SEC63: variants seen among roughly 807,000 people sequenced by gnomAD.
The protein encoded by SEC63 is SEC63 protein translocation regulator.
In SEC63, 56 loss-of-function variants were observed where a neutral mutation model predicts 116.2. The ratio of observed to expected loss-of-function variants is 0.48; its 90% confidence interval spans 0.39 to 0.60. SEC63 has a LOEUF of 0.60. Among genes scored for constraint, SEC63 ranks in the 20% least tolerant of loss-of-function variants. The probability of loss-of-function intolerance (pLI) is 0.00; values close to 1 mark genes in which losing one functional copy is unlikely to be tolerated. For synonymous variants in SEC63, 273 were observed against 294.6 expected, an observed-to-expected ratio of 0.93 and a Z score of 0.75; for missense variants, 668 against 900.0, an observed-to-expected ratio of 0.74 and a Z score of 3.30.
chr6:107,893,530 T>TGTA lies in SEC63; in HGVS notation c.1625_1626insTAC (p.Pro542_Gln543insThr), dbSNP rs779139584. On this transcript the variant is annotated inframe_insertion, in exon 16 of 21. Coordinates refer to ENST00000369002, the MANE Select transcript of SEC63 (RefSeq NM_007214.5). ...GCTTTTGTTTCTGTTGCTTTGACTG[T>TGTA]GGTAATAGCACAGGTGTAGGTTTTT... 201 of 1,613,420 alleles carry TGTA rather than the reference T, an allele frequency of 1.2e-4. 1 individual carries two copies. The African/African-American group carries it at 2.5e-3, about 20-fold the overall frequency.
At chr6:107,955,548 TACC>T (rs1770694258) in intron 1 of SEC63, among the ~76,000 whole-genome samples, 2 of 152,190 alleles carry the variant, frequency 1.3e-5, no homozygotes, top group South Asian at 4.1e-4. Context: ...CCACCTAAAC[TACC>T]ACCACTTTTT....
intron 19 of SEC63, among the ~76,000 whole-genome samples, chr6:107,873,728 T>C (rs1786188281): frequency 6.6e-6 from 1 of 152,058 alleles, no homozygotes; most frequent in African/African-American, 2.4e-5. Context: ...ACAACCAGAA[T>C]AGTACAACAA....
chr6:107,901,251 G>T, intron 13 of SEC63, 119 bp downstream of exon 13: 1 of 1,024,642 alleles, frequency 9.8e-7, no homozygotes, highest in Non-Finnish European at 1.5e-6. Context: ...CTACAGTTCT[G>T]CAAAGTCTAA....
chr6:107,924,345 G>A (rs931785933), intron 3 of SEC63, among the ~76,000 whole-genome samples: 10 of 149,342 alleles, frequency 6.7e-5, no homozygotes, highest in African/African-American at 4.9e-5. Flanking sequence ...TTGGGAGGCC[G>A]AGGTGGGCAG....
intron 2 of SEC63, among the ~76,000 whole-genome samples, chr6:107,926,494 C>A (rs1189564564): frequency 6.6e-6 from 1 of 152,188 alleles, no homozygotes; most frequent in Non-Finnish European, 1.5e-5. Flanking sequence ...CCCACCTCAG[C>A]CTCCCAAAGC....
chr6:107,928,416 G>T (rs1193274732), intron 2 of SEC63, among the ~76,000 whole-genome samples: 1 of 151,628 alleles, frequency 6.6e-6, no homozygotes, highest in Non-Finnish European at 1.5e-5. Context: ...TGAGCCCAAG[G>T]AGGCTGAGGC....
At chr6:107,881,713 T>C (rs563557392) in intron 17 of SEC63, among the ~76,000 whole-genome samples, 1 of 152,298 alleles carries the variant, frequency 6.6e-6, no homozygotes, top group South Asian at 2.1e-4. Flanking sequence ...AGGACTGAAC[T>C]GATCACTCCC....
chr6:107,874,112 T>C (rs143736917), intron 19 of SEC63, among the ~76,000 whole-genome samples: 1 of 152,212 alleles, frequency 6.6e-6, no homozygotes, highest in Non-Finnish European at 1.5e-5. Context: ...CCTTAATTAA[T>C]ATCACCAACA....
intron 8 of SEC63, among the ~76,000 whole-genome samples, chr6:107,908,213 T>C (rs1787186825): frequency 6.6e-6 from 1 of 152,166 alleles, no homozygotes. Flanking sequence ...TTTATTTTTT[T>C]TTAAAGAGGG....
intron 4 of SEC63, among the ~76,000 whole-genome samples, chr6:107,915,635 T>TAA (rs575404919): frequency 6.7e-6 from 1 of 148,440 alleles, no homozygotes; most frequent in African/African-American, 2.5e-5. Flanking sequence ...AAAATCTGAT[T>TAA]AAAAAAAAAA....
rs1482281530 is a variant in SEC63, at chr6:107,875,875, T to A, written c.2034+689A>T. Among the ~76,000 whole-genome samples, 4 of 152,128 alleles carry A rather than the reference T, an allele frequency of 2.6e-5. No homozygotes were observed. The East Asian group carries it at 7.7e-4, about 29-fold the overall frequency. ...GCAATATAGACCAAAATTACAAACA[T>A]ACAGAGCCTCCAGCCCATCAATTCG... On this transcript the variant is annotated intron_variant, in intron 19 of 20. Coordinates refer to ENST00000369002, the MANE Select transcript of SEC63 (RefSeq NM_007214.5).
At chr6:107,875,229 G>C (rs1352264278) in intron 19 of SEC63, among the ~76,000 whole-genome samples, 5 of 152,132 alleles carry the variant, frequency 3.3e-5, no homozygotes, top group African/African-American at 4.8e-5. Flanking sequence ...ATGTCTACAA[G>C]TACCTCAAAT....
chr6:107,918,665 C>G (rs1397443150), intron 4 of SEC63, among the ~76,000 whole-genome samples: 5 of 149,154 alleles, frequency 3.4e-5, no homozygotes, highest in Non-Finnish European at 7.4e-5. Flanking sequence ...GCACTCCAGC[C>G]TGGGCAACAG....
chr6:107,953,569 T>TGG (rs555871759), intron 1 of SEC63, among the ~76,000 whole-genome samples: 4 of 80,882 alleles, frequency 4.9e-5, no homozygotes, highest in African/African-American at 2.1e-4. Flanking sequence ...GGGAGGGAGG[T>TGG]GGGGGGGTCA....
chr6:107,946,630 G>A (rs1015985520), intron 1 of SEC63, among the ~76,000 whole-genome samples: 3 of 152,172 alleles, frequency 2.0e-5, no homozygotes, highest in African/African-American at 7.2e-5. Flanking sequence ...TGTATATGCT[G>A]CATGTCTGAT....
rs555211980 is a variant in SEC63, at chr6:107,934,125, C to G, written c.125-4611G>C. Among the ~76,000 whole-genome samples, 59 of 152,330 alleles carry G rather than the reference C, an allele frequency of 3.9e-4. 1 individual carries two copies. The highest frequency in any genetic ancestry group is 1.4e-3 in the African/African-American group (59 of 41,584). On this transcript the variant is annotated intron_variant, in intron 1 of 20. Coordinates refer to ENST00000369002, the MANE Select transcript of SEC63 (RefSeq NM_007214.5). ...GCCTCCCAAAGTGCCGAGATTGCAG[C>G]CTCTGCCCCGCCGCCACCCCGTCTG...
rs761474758 is a variant in SEC63, at chr6:107,871,127, G to T, written c.*577C>A. The stretch of plus-strand genomic sequence containing the variant: ...ATTAAGAAAAGGAAAATTCCAAAAC[G>T]TAGCCCTCTATATCATGTGGAATGT... On this transcript the variant is annotated 3_prime_UTR_variant, in exon 21 of 21. Transcript: ENST00000369002. 1 of 154,484 alleles carries T rather than the reference G, an allele frequency of 6.5e-6. No individual in the cohort carries two copies. Among genetic ancestry groups the T allele is most frequent in the African/African-American group, 2.4e-5 (1 of 41,426 alleles). 9.6% of individuals were successfully genotyped at this position (154,484 alleles called of 1,614,324 possible).
intron 1 of SEC63, among the ~76,000 whole-genome samples, chr6:107,935,827 A>T (rs1426288782): frequency 6.6e-6 from 1 of 152,202 alleles, no homozygotes; most frequent in African/African-American, 2.4e-5. Flanking sequence ...AAAGAAACAC[A>T]TCAATTAAAT....
intron 7 of SEC63, among the ~76,000 whole-genome samples, chr6:107,910,003 T>C (rs191174385): frequency 1.4e-3 from 213 of 152,284 alleles, no homozygotes; most frequent in Admixed American, 3.2e-3. Flanking sequence ...AAAAACAGAA[T>C]AATGCACACA....
Sources: gnomAD v4.1 joint callset for allele counts (sites outside exome capture counted in the v4.1 genomes callset) on GRCh38, gnomAD v4.1.1 for gene constraint, MANE v1.5 for transcripts, NCBI Gene and HGNC (gene_info 2026-07-23, HGNC 2026-07-21) for gene names.